The following SFMBT1 variants were observed in gnomAD, a reference collection of about 807,000 sequenced individuals.
The protein encoded by SFMBT1 is scm-like with four MBT domains protein 1.
A neutral mutation model predicts 108.7 loss-of-function variants in SFMBT1; 32 were observed. The ratio of observed to expected loss-of-function variants is 0.29; its 90% CI spans 0.22 to 0.40. SFMBT1 has a LOEUF of 0.40. Among genes scored for constraint, SFMBT1 ranks in the 10% least tolerant of loss-of-function variants. The pLI is 1.00. For missense variants in SFMBT1, 816 were observed against 1,059.6 expected (o/e 0.77, Z 3.19); for synonymous variants, 348 against 369.5 (o/e 0.94, Z 0.67).
intron 1 of SFMBT1, among the ~76,000 whole-genome samples, chr3:53,002,157 T>C (rs13324286): frequency 1.3e-5 from 2 of 148,916 alleles, no homozygotes; most frequent in Non-Finnish European, 3.0e-5. Context: ...TCCCAGCACT[T>C]TGGGAGGCCG....
chr3:53,041,417 G>A (rs557400358), intron 1 of SFMBT1, among the ~76,000 whole-genome samples: 3 of 151,924 alleles, frequency 2.0e-5, no homozygotes, highest in East Asian at 1.9e-4. Context: ...ATCATTTTCC[G>A]CGAGGCGCGG....
chr3:52,957,959 C>T (rs144910081), intron 2 of SFMBT1, among the ~76,000 whole-genome samples: 3,928 of 151,886 alleles, frequency 0.026, 186 homozygotes, highest in African/African-American at 0.09. Context: ...AATTGACAAA[C>T]GGGATCTAAT....
intron 4 of SFMBT1, among the ~76,000 whole-genome samples, chr3:52,941,590 T>C (rs1425117012): frequency 1.1e-3 from 20 of 18,238 alleles, no homozygotes; most frequent in Non-Finnish European, 2.7e-3. Flanking sequence ...TGAGACTCTG[T>C]TTCAAAAAAA....
intron 12 of SFMBT1, among the ~76,000 whole-genome samples, chr3:52,919,478 G>GA (rs1205003639): frequency 6.6e-6 from 1 of 152,214 alleles, no homozygotes; most frequent in Non-Finnish European, 1.5e-5. Flanking sequence ...AACCTATGGA[G>GA]ACAGAAAGTA....
chr3:52,959,945 A>AC (rs1703905257), intron 2 of SFMBT1, among the ~76,000 whole-genome samples: 1 of 151,930 alleles, frequency 6.6e-6, no homozygotes. Flanking sequence ...GAATGAGTAC[A>AC]CCCTAGGGGA....
chr3:53,003,267 T>C (rs940928442), intron 1 of SFMBT1, among the ~76,000 whole-genome samples: 1 of 149,842 alleles, frequency 6.7e-6, no homozygotes, highest in African/African-American at 2.4e-5. Flanking sequence ...ATTCTTCACA[T>C]GATAGAGAAT....
rs200805193 is a variant in SFMBT1, at chr3:52,954,366, T to A, written c.74A>T (p.Tyr25Phe). ...MEEVELSWED[Y>F]LEETGSTAVP... ...TGCTGTGGACCCTGTTTCTTCTAGA[T>A]AATCTTCCCAGCTTAATTCTACCTC... The change falls in exon 3 of 21, where the codon TAT becomes TTT. Residue 25 changes from tyrosine to phenylalanine, a missense_variant. Tyr to Phe is a conservative substitution (Grantham distance 22). Coordinates refer to ENST00000394752, the MANE Select transcript of SFMBT1 (RefSeq NM_016329.4). The A allele has an allele frequency of 1.2e-6, 2 of 1,613,982 alleles. No individual in the cohort carries two copies. Among genetic ancestry groups the A allele is most frequent in the Admixed American group, 1.7e-5 (1 of 59,996 alleles).
At chr3:53,042,351 T>C (rs1374596448) in intron 1 of SFMBT1, among the ~76,000 whole-genome samples, 2 of 152,160 alleles carry the variant, frequency 1.3e-5, no homozygotes, top group Non-Finnish European at 2.9e-5. Context: ...GTTGGTTGGT[T>C]TGTTTTTTGA....
At chr3:53,026,640 C>G (rs1407338512) in intron 1 of SFMBT1, among the ~76,000 whole-genome samples, 1 of 152,162 alleles carries the variant, frequency 6.6e-6, no homozygotes, top group East Asian at 1.9e-4. Flanking sequence ...CAGGTAGGTC[C>G]CTGTGGGGCT....
At chr3:52,984,326 CT>C (rs1220533985) in intron 1 of SFMBT1, among the ~76,000 whole-genome samples, 1 of 152,000 alleles carries the variant, frequency 6.6e-6, no homozygotes, top group African/African-American at 2.4e-5. Context: ...AATTTATAAG[CT>C]TTTTTTCACC....
rs572144123 is a variant in SFMBT1, at chr3:52,921,825, A to C, written c.1138T>G (p.Ser380Ala). The C allele has an allele frequency of 1.2e-6, 2 of 1,613,796 alleles. No homozygotes were observed. Among genetic ancestry groups the C allele is most frequent in the Non-Finnish European group, 8.5e-7 (1 of 1,180,006 alleles). Residue 380 changes from serine (S) to alanine (A), a missense_variant, in exon 11 of 21, where the codon TCT becomes GCT. Physicochemically the swap from Ser to Ala is moderately conservative, Grantham distance 99 (BLOSUM62 1). Coordinates refer to ENST00000394752, the MANE Select transcript of SFMBT1 (RefSeq NM_016329.4). ...ATGTTCTCCTTAAATTCATGTTCAG[A>C]AATTAACTAGAAAATGAATGAATCA... is the stretch of plus-strand genomic sequence containing the variant. Reference protein sequence around the residue: ...APQRCFPPLISEHEFKENMKL... With the variant: ...APQRCFPPLIAEHEFKENMKL...
At position 52,943,496 on chromosome 3, in the gene SFMBT1, G is replaced by A; in HGVS notation, c.221C>T (p.Thr74Ile). 1.2e-6 allele frequency: 2 copies of A among 1,614,186 alleles called. No homozygotes were observed. Among genetic ancestry groups the A allele is most frequent in the Non-Finnish European group, 8.5e-7 (1 of 1,180,010 alleles). ...GAGAAGGAGCAACTGCTCACAGGTA[G>A]TGATAACGGTGGCAACCCAGTAGGT... Reference protein sequence around the residue: ...PETYWVATVITTCEQLLLLRY... With the variant: ...PETYWVATVIITCEQLLLLRY... The change falls in exon 4 of 21, where the codon ACT (threonine) becomes ATT (isoleucine). Residue 74 changes from threonine (T) to isoleucine (I), a missense_variant. Transcript: ENST00000394752.
At chr3:53,015,876 G>C (rs1187056158) in intron 1 of SFMBT1, among the ~76,000 whole-genome samples, 1 of 152,124 alleles carries the variant, frequency 6.6e-6, no homozygotes, top group African/African-American at 2.4e-5. Flanking sequence ...ACACTACCCT[G>C]TAAATATACT....
chr3:52,905,897 G>T (rs1253663918), intron 20 of SFMBT1, among the ~76,000 whole-genome samples: 1 of 151,980 alleles, frequency 6.6e-6, no homozygotes, highest in Non-Finnish European at 1.5e-5. Context: ...CAAATTCTTA[G>T]GAAAAACTGG....
intron 9 of SFMBT1, among the ~76,000 whole-genome samples, chr3:52,926,843 C>T (rs2581810): frequency 0.66 from 99,784 of 151,708 alleles, 33,919 homozygotes; most frequent in Non-Finnish European, 0.75. Context: ...TAATGTCTCA[C>T]AGGCAAAAAA....
intron 3 of SFMBT1, among the ~76,000 whole-genome samples, chr3:52,948,825 A>ATTTT (rs71615878): frequency 6.4e-5 from 5 of 78,304 alleles, no homozygotes; most frequent in East Asian, 3.9e-4. Flanking sequence ...CTAATTTTTA[A>ATTTT]TTTTTTTTTT....
intron 6 of SFMBT1, among the ~76,000 whole-genome samples, chr3:52,931,384 A>G (rs1263633494): frequency 6.6e-6 from 1 of 152,190 alleles, no homozygotes; most frequent in Non-Finnish European, 1.5e-5. Flanking sequence ...TATTTCTTTT[A>G]ATCAACAATT....
intron 15 of SFMBT1, 44 bp from the exon 16 acceptor site, chr3:52,912,691 A>G (rs1702245523): frequency 2.9e-6 from 4 of 1,402,054 alleles, no homozygotes; most frequent in Non-Finnish European, 4.0e-6. Context: ...GGAAGGAGAA[A>G]AGCAGACCAT....
intron 1 of SFMBT1, among the ~76,000 whole-genome samples, chr3:52,993,645 G>A (rs1179304141): frequency 6.7e-6 from 1 of 149,522 alleles, no homozygotes. Context: ...AAGTTACTGT[G>A]ACAGTATTTA....
Sources: gnomAD v4.1 joint callset for allele counts (sites outside exome capture counted in the v4.1 genomes callset) on GRCh38, gnomAD v4.1.1 for gene constraint, MANE v1.5 for transcripts, NCBI Gene and HGNC (gene_info 2026-07-23, HGNC 2026-07-21) for gene names.